Variants in PCDHGA9 observed in about 807,000 individuals in gnomAD.
PCDHGA9 encodes protocadherin gamma subfamily A, 9.
Under a neutral mutation model 62.5 loss-of-function variants are expected in PCDHGA9, and 37 were observed. The observed-to-expected ratio is 0.59, with a 90% confidence interval of 0.46 to 0.78. PCDHGA9 has a LOEUF of 0.78. Among genes scored for constraint, PCDHGA9 ranks in the 30% least tolerant of loss-of-function variants. The pLI, the probability that PCDHGA9 is intolerant of heterozygous loss-of-function variation, is 0.00. For synonymous variants in PCDHGA9, 459 were observed against 484.6 expected, an observed-to-expected ratio of 0.95 and a Z score of 0.69; for missense variants, 1,138 against 1,166.2, an observed-to-expected ratio of 0.98 and a Z score of 0.35.
chr5:141,512,395 C>T lies in PCDHGA9; in HGVS notation c.*1222C>T, dbSNP rs1229077213. ...ACCAAATGAACAGAAAGTCTCAGCCCAGGATGGGGCTTCTTCAACAGGGCC... is the reference window on the plus strand; with the variant it reads ...ACCAAATGAACAGAAAGTCTCAGCCTAGGATGGGGCTTCTTCAACAGGGCC... On this transcript the variant is annotated 3_prime_UTR_variant, in exon 4 of 4. Coordinates refer to ENST00000573521, the MANE Select transcript of PCDHGA9 (RefSeq NM_018921.3). 1 of 152,690 alleles carries T rather than the reference C, an allele frequency of 6.5e-6. No individual in the cohort carries two copies. Among genetic ancestry groups the T allele is most frequent in the Non-Finnish European group, 1.5e-5 (1 of 68,072 alleles). The allele number at this position is 152,690 out of a possible 1,614,324, so 9.5% of individuals were successfully genotyped here.
At chr5:141,465,826 T>A (rs1402342209) in intron 1 of PCDHGA9, among the ~76,000 whole-genome samples, 1 of 151,994 alleles carries the variant, frequency 6.6e-6, no homozygotes, top group Non-Finnish European at 1.5e-5. Context: ...CACATTTGTT[T>A]AAAATTTCAA....
chr5:141,419,842 C>A, intron 1 of PCDHGA9: 1 of 1,614,074 alleles, frequency 6.2e-7, no homozygotes, highest in South Asian at 1.1e-5. Flanking sequence ...CCACGCTGCA[C>A]CTGGTGTTCG....
intron 1 of PCDHGA9, chr5:141,433,010 C>A (rs1392666523): frequency 6.2e-7 from 1 of 1,614,178 alleles, no homozygotes. Flanking sequence ...GGCTTTCCTG[C>A]AGACCTATTC....
In PCDHGA9 at chr5:141,433,051, G is replaced by A. The variant is rs754102028; in HGVS notation, c.2424+27675G>A. The A allele has an allele frequency of 1.8e-5, 29 of 1,614,066 alleles. No homozygotes were observed. In the East Asian group the frequency reaches 2.5e-4, roughly 14 times the overall value. On this transcript the variant is annotated intron_variant, in intron 1 of 3. Transcript: ENST00000573521. ...AGGTTTCCCTCACCACGGACTCGCG[G>A]AAGAGTCACCTGATCTTCCCCCAGC...
chr5:141,460,037 C>A (rs1203902962), intron 1 of PCDHGA9, among the ~76,000 whole-genome samples: 1 of 152,120 alleles, frequency 6.6e-6, no homozygotes, highest in African/African-American at 2.4e-5. Context: ...GAGACTGCAC[C>A]ACTGCACTCC....
chr5:141,487,577 C>A lies in PCDHGA9; in HGVS notation c.2425-7230C>A. 1.2e-6 allele frequency: 2 copies of A among 1,614,150 alleles called. No individual in the cohort carries two copies. Among genetic ancestry groups the A allele is most frequent in the Non-Finnish European group, 1.7e-6 (2 of 1,180,024 alleles). ...ACCTATGGCAGGGGAGCCTGTTCGC[C>A]CAAGCTGCCCACCCTCTGATCTTCT... On this transcript the variant is annotated intron_variant, in intron 1 of 3. Coordinates refer to ENST00000573521, the MANE Select transcript of PCDHGA9 (RefSeq NM_018921.3). The surrounding 1 kb of genome is among the most constrained non-coding windows in gnomAD (Gnocchi z 5.0).
intron 1 of PCDHGA9, chr5:141,415,794 A>C: frequency 7.3e-7 from 1 of 1,366,410 alleles, no homozygotes; most frequent in Non-Finnish European, 9.3e-7. Context: ...AAATTCACCT[A>C]GTCTCAATCA....
At chr5:141,410,170 C>A in intron 1 of PCDHGA9, 1 of 1,613,828 alleles carries the variant, frequency 6.2e-7, no homozygotes, top group African/African-American at 1.3e-5. Context: ...CACTCTCTGC[C>A]ACCGCCACGC....
At chr5:141,428,008 T>C (rs2097099623) in intron 1 of PCDHGA9, 4 of 1,601,848 alleles carry the variant, frequency 2.5e-6, no homozygotes, top group Admixed American at 3.3e-5. Context: ...CTCTTCGATA[T>C]AGTGCCACGC....
chr5:141,404,250 C>A lies in PCDHGA9; in HGVS notation c.1298C>A (p.Ser433Tyr), dbSNP rs1282621596. 2.5e-6 allele frequency: 4 copies of A among 1,613,886 alleles called. No homozygotes were observed. In the Admixed American group the frequency reaches 5.0e-5, roughly 20 times the overall value. The change falls in exon 1 of 4, where the codon TCC becomes TAC. Residue 433 changes from serine to tyrosine, a missense_variant. Coordinates refer to ENST00000573521, the MANE Select transcript of PCDHGA9 (RefSeq NM_018921.3). Reference sequence around the variant, plus strand: ...ACAGACAGAGGAACTCCGCCCCTGTCCACAGAAATTCACATCACCCTGCAA... The same window carrying A: ...ACAGACAGAGGAACTCCGCCCCTGTACACAGAAATTCACATCACCCTGCAA... ...TATDRGTPPL[S>Y]TEIHITLQVT...
At chr5:141,434,193 T>G (rs2097677103) in intron 1 of PCDHGA9, among the ~76,000 whole-genome samples, 1 of 152,246 alleles carries the variant, frequency 6.6e-6, no homozygotes, top group South Asian at 2.1e-4. Flanking sequence ...GTAATTCCAA[T>G]GTACTTACTT....
At chr5:141,433,273 A>T in intron 1 of PCDHGA9, 1 of 1,258,988 alleles carries the variant, frequency 7.9e-7, no homozygotes. Flanking sequence ...AGCTCACTGC[A>T]GCCTCAAACT....
At position 141,511,355 on chromosome 5, in the gene PCDHGA9, G is replaced by A; in HGVS notation, c.*182G>A. On this transcript the variant is annotated 3_prime_UTR_variant, in exon 4 of 4. Coordinates refer to ENST00000573521, the MANE Select transcript of PCDHGA9 (RefSeq NM_018921.3). ...TCAGCACCTACCCCTTCCCCCCCAG[G>A]GGGTTGAATATGCAAAAGCAGTTCC... 4 of 1,379,256 alleles carry A rather than the reference G, an allele frequency of 2.9e-6. No individual in the cohort carries two copies. The highest frequency in any genetic ancestry group is 3.9e-6 in the Non-Finnish European group (4 of 1,035,886). 85.4% of individuals were successfully genotyped at this position (1,379,256 alleles called of 1,614,324 possible).
rs1455759096 is a variant in PCDHGA9, at chr5:141,489,539, C to T, written c.2425-5268C>T. 6.2e-7 allele frequency: 1 copy of T among 1,613,980 alleles called. No individual in the cohort carries two copies. Among genetic ancestry groups the T allele is most frequent in the African/African-American group, 1.3e-5 (1 of 74,912 alleles). On this transcript the variant is annotated intron_variant, in intron 1 of 3. Coordinates refer to ENST00000573521, the MANE Select transcript of PCDHGA9 (RefSeq NM_018921.3). This position sits in a 1 kb window ranked among gnomAD's most constrained non-coding sequence, Gnocchi z 4.5. Reference sequence around the variant, plus strand: ...CGAGAAAGCCTATGTGGAGCCAGCACCAGCTGCCTGCTGCCAGTGCAGGTG... The same window carrying T: ...CGAGAAAGCCTATGTGGAGCCAGCATCAGCTGCCTGCTGCCAGTGCAGGTG...
chr5:141,441,155 T>A (rs2098229690), intron 1 of PCDHGA9: 1 of 152,230 alleles, frequency 6.6e-6, no homozygotes, highest in East Asian at 1.9e-4. Flanking sequence ...GACAATATCC[T>A]AGAGGCGATT....
At chr5:141,430,877 G>T in intron 1 of PCDHGA9, 1 of 1,600,796 alleles carries the variant, frequency 6.2e-7, no homozygotes. Flanking sequence ...GGAAGAGCTG[G>T]AGAAAGGCTC....
Position 141,485,399 on chromosome 5 carries a change from C to T in PCDHGA9, c.2425-9408C>T. On this transcript the variant is annotated intron_variant, in intron 1 of 3. Coordinates refer to ENST00000573521, the MANE Select transcript of PCDHGA9 (RefSeq NM_018921.3). This position sits in a 1 kb window ranked among gnomAD's most constrained non-coding sequence, Gnocchi z 5.7. ...TGGAGAGGTGAACCAAAGACACTTC[C>T]GTGTGGATTTGGACAGCGGAGCCCT... 3 of 1,614,000 alleles carry T rather than the reference C, an allele frequency of 1.9e-6. No homozygotes were observed. The highest frequency in any genetic ancestry group is 2.5e-6 in the Non-Finnish European group (3 of 1,179,922).
chr5:141,483,648 TTGTGTGTGTGTGTG>T (rs111458813), intron 1 of PCDHGA9, among the ~76,000 whole-genome samples: 1 of 149,592 alleles, frequency 6.7e-6, no homozygotes, highest in Non-Finnish European at 1.5e-5. Flanking sequence ...GGGTGTGTGT[TTGTGTGTGTGTGTG>T]TGTGTGTAAA....
intron 1 of PCDHGA9, chr5:141,428,734 A>G (rs922346225): frequency 1.9e-5 from 3 of 158,252 alleles, no homozygotes; most frequent in Non-Finnish European, 2.8e-5. Context: ...TAAACATATT[A>G]TATCTACTAT....
Sources: allele counts gnomAD v4.1 joint callset (sites outside exome capture counted in the v4.1 genomes callset), GRCh38; gene constraint gnomAD v4.1.1; non-coding constraint Gnocchi (gnomAD v3.1); transcripts MANE v1.5; gene names NCBI Gene and HGNC (gene_info 2026-07-23, HGNC 2026-07-21).